The following PAX8 variants were observed in gnomAD, a reference collection of about 807,000 sequenced individuals.
PAX8 encodes paired box protein Pax-8.
A neutral mutation model predicts 52.4 loss-of-function variants in PAX8; 15 were observed. That is an observed-to-expected ratio of 0.29 (90% CI 0.19 to 0.44). PAX8 has a LOEUF of 0.44. PAX8 is among the 20% of genes least tolerant of loss of function. PAX8 has a pLI of 1.00. For synonymous variants in PAX8, 284 were observed against 249.7 expected (o/e 1.14, Z -1.29); for missense variants, 554 against 602.5 (o/e 0.92, Z 0.84).
chr2:113,226,456 G>A (rs3748916), intron 10 of PAX8: 454,952 of 987,026 alleles, frequency 0.46, 107,119 homozygotes, highest in East Asian at 0.66. Context: ...TCCAGACCTT[G>A]TCATCTTGAA....
chr2:113,229,021 G>A (rs1689741915), intron 9 of PAX8, among the ~76,000 whole-genome samples: 2 of 152,172 alleles, frequency 1.3e-5, no homozygotes, highest in African/African-American at 2.4e-5. Context: ...TGGGTATATA[G>A]CAGAAAGCCA....
intron 2 of PAX8, among the ~76,000 whole-genome samples, chr2:113,247,371 TCTC>T (rs1691417476): frequency 1.3e-5 from 2 of 152,294 alleles, no homozygotes; most frequent in South Asian, 2.1e-4. Context: ...CCTTTCTCCT[TCTC>T]CTCATGGAAC....
intron 7 of PAX8, chr2:113,240,036 C>T (rs1690686222): frequency 6.6e-6 from 1 of 152,228 alleles, no homozygotes; most frequent in Non-Finnish European, 1.5e-5. Flanking sequence ...GGGATGGAGC[C>T]AGGAAATGGC....
chr2:113,243,990 G>C (rs1427481296), intron 4 of PAX8, among the ~76,000 whole-genome samples: 1 of 152,222 alleles, frequency 6.6e-6, no homozygotes. Context: ...ATGAATGAGT[G>C]AATTATGTGT....
intron 2 of PAX8, among the ~76,000 whole-genome samples, chr2:113,261,663 G>A (rs1692689872): frequency 6.6e-6 from 1 of 152,224 alleles, no homozygotes; most frequent in Non-Finnish European, 1.5e-5. Flanking sequence ...CCTCATGGCA[G>A]AACCAAGAAA....
In PAX8 at chr2:113,242,054, G is replaced by C; in HGVS notation, c.555C>G (p.Leu185=). The change falls in exon 6 of 12, where the codon CTC becomes CTG. Residue 185 remains leucine (L), a synonymous_variant. Coordinates refer to ENST00000429538, the MANE Select transcript of PAX8 (RefSeq NM_003466.4). The stretch of plus-strand genomic sequence containing the variant: ...CGCTGCCAGGCTGAGCGATGCCCAG[G>C]AGCCCATTGATGGAGTAGGTGGAGC... The part of the protein sequence containing the change: ...SLGSTYSING[L]LGIAQPGSDK... The C allele has an allele frequency of 6.2e-7, 1 of 1,613,820 alleles. No individual in the cohort carries two copies. Among genetic ancestry groups the C allele is most frequent in the Non-Finnish European group, 8.5e-7 (1 of 1,179,864 alleles).
At position 113,216,161 on chromosome 2, in the gene PAX8, C is replaced by T. The variant is rs1426974687; in HGVS notation, c.*2372G>A. On this transcript the variant is annotated 3_prime_UTR_variant, in exon 12 of 12. Coordinates refer to ENST00000429538, the MANE Select transcript of PAX8 (RefSeq NM_003466.4). ...TCAAAGTGATTCTTGGGTAGGGAGC[C>T]CTCGGGATCCCAGAGGTTTGTGGTC... 3.5e-5 allele frequency: 8 copies of T among 229,794 alleles called. No individual in the cohort carries two copies. The highest frequency in any genetic ancestry group is 1.3e-3 in the Middle Eastern group (1 of 792). 14.2% of individuals were successfully genotyped at this position (229,794 alleles called of 1,614,324 possible). A position where few individuals can be genotyped will look rare whatever the true frequency, so the allele number is the denominator to read the frequency against.
At chr2:113,232,163 G>A (rs1033523025) in intron 9 of PAX8, among the ~76,000 whole-genome samples, 1 of 152,172 alleles carries the variant, frequency 6.6e-6, no homozygotes, top group African/African-American at 2.4e-5. Context: ...GCTCAGCCAC[G>A]TGTTAGGTAT....
rs1462835209 is a variant in PAX8 at position 113,258,584 on chromosome 2, T to C, written c.26-11665A>G. 3.9e-5 allele frequency among the ~76,000 whole-genome samples: 6 copies of C among 152,252 alleles called. No individual in the cohort carries two copies. The East Asian group carries it at 1.2e-3, about 29-fold the overall frequency. On this transcript the variant is annotated intron_variant, in intron 2 of 11. Coordinates refer to ENST00000429538, the MANE Select transcript of PAX8 (RefSeq NM_003466.4). ...TTATTGCTTGCATGACTGCTCAGGT[T>C]CTTTATCCCATCTTCCCCTCAAAGG...
At chr2:113,252,607 T>G (rs1302198078) in intron 2 of PAX8, among the ~76,000 whole-genome samples, 1 of 152,198 alleles carries the variant, frequency 6.6e-6, no homozygotes, top group Admixed American at 6.5e-5. Context: ...CTGCATCTGC[T>G]GTTACCCCCA....
At chr2:113,254,593 C>T (rs1178923396) in intron 2 of PAX8, among the ~76,000 whole-genome samples, 1 of 152,152 alleles carries the variant, frequency 6.6e-6, no homozygotes, top group East Asian at 1.9e-4. Context: ...ATATCACTCC[C>T]ATATTTAAGA....
chr2:113,236,754 C>G (rs1241654628), intron 7 of PAX8, 33 bp from the exon 8 acceptor site: 2 of 1,544,506 alleles, frequency 1.3e-6, no homozygotes, highest in Non-Finnish European at 8.7e-7. Flanking sequence ...CGCACAGAGA[C>G]GATCCAACAA....
At chr2:113,243,360 C>G (rs865971668) in intron 4 of PAX8, among the ~76,000 whole-genome samples, 1 of 151,776 alleles carries the variant, frequency 6.6e-6, no homozygotes, top group Non-Finnish European at 1.5e-5. Context: ...CCTTGTGCTC[C>G]CCTGCTCTTT....
intron 2 of PAX8, chr2:113,273,673 A>G (rs1179376606): frequency 3.9e-5 from 6 of 152,230 alleles, no homozygotes; most frequent in South Asian, 2.1e-4. Context: ...ATGAGAACCA[A>G]TTAATAAATG....
chr2:113,240,054 C>G (rs1430412036), intron 7 of PAX8: 1 of 152,272 alleles, frequency 6.6e-6, no homozygotes, highest in East Asian at 1.9e-4. Context: ...GGCTCTGGGA[C>G]TCAGCGGGTG....
chr2:113,263,403 G>A (rs948487809), intron 2 of PAX8: 1 of 152,838 alleles, frequency 6.5e-6, no homozygotes, highest in African/African-American at 2.4e-5. Flanking sequence ...CAGTCTAAAT[G>A]TTGGTTATAA....
At chr2:113,233,153 C>G (rs1318427217) in intron 9 of PAX8, among the ~76,000 whole-genome samples, 1 of 151,454 alleles carries the variant, frequency 6.6e-6, no homozygotes, top group East Asian at 1.9e-4. Context: ...AGGTTTTGCT[C>G]TTTTCATCAC....
intron 2 of PAX8, among the ~76,000 whole-genome samples, chr2:113,247,672 C>G (rs1363426860): frequency 6.6e-6 from 1 of 152,240 alleles, no homozygotes; most frequent in Non-Finnish European, 1.5e-5. Context: ...TAGCTGCTTT[C>G]CTGACTTGGC....
intron 2 of PAX8, chr2:113,272,639 A>G (rs1299192927): frequency 2.0e-5 from 3 of 152,152 alleles, no homozygotes; most frequent in Non-Finnish European, 2.9e-5. Context: ...CTGGATTGTC[A>G]TGCTCTGTAC....
Sources: gnomAD v4.1 joint callset for allele counts (sites outside exome capture counted in the v4.1 genomes callset) on GRCh38, gnomAD v4.1.1 for gene constraint, MANE v1.5 for transcripts, NCBI Gene and HGNC (gene_info 2026-07-23, HGNC 2026-07-21) for gene names.